The following ITK variants were observed in gnomAD, a reference collection of about 807,000 sequenced individuals.
ITK encodes IL2 inducible T cell kinase.
Under a neutral mutation model 87.6 loss-of-function variants are expected in ITK, and 45 were observed. The observed-to-expected ratio is 0.51, with a 90% CI of 0.40 to 0.66. The LOEUF (loss-of-function observed/expected upper bound fraction) is 0.66, where lower values mean the gene tolerates loss of function less well. Among genes scored for constraint, ITK ranks in the 30% least tolerant of loss-of-function variants. The probability of loss-of-function intolerance (pLI) is 0.00; values close to 1 mark genes in which losing one functional copy is unlikely to be tolerated. For missense variants in ITK, 605 were observed against 766.3 expected, an observed-to-expected ratio of 0.79 and a Z score of 2.48; for synonymous variants, 303 against 273.6, an observed-to-expected ratio of 1.11 and a Z score of -1.06.
chr5:157,209,586 A>G (rs1754147710), intron 2 of ITK, among the ~76,000 whole-genome samples: 1 of 152,174 alleles, frequency 6.6e-6, no homozygotes, highest in Non-Finnish European at 1.5e-5. Flanking sequence ...TTAGTGAAGG[A>G]AGAAATAAAG....
chr5:157,199,696 G>C (rs1367094764), intron 1 of ITK: 2 of 152,178 alleles, frequency 1.3e-5, no homozygotes, highest in Admixed American at 1.3e-4. Flanking sequence ...TGGCCTCTGT[G>C]AACTTCAATT....
At chr5:157,210,014 C>T (rs1286016789) in intron 2 of ITK, among the ~76,000 whole-genome samples, 1 of 152,072 alleles carries the variant, frequency 6.6e-6, no homozygotes, top group African/African-American at 2.4e-5. Context: ...CAACCTCCAC[C>T]TCCCTGGTTC....
At chr5:157,215,610 A>T (rs1262707608) in intron 4 of ITK, among the ~76,000 whole-genome samples, 1 of 152,204 alleles carries the variant, frequency 6.6e-6, no homozygotes, top group Non-Finnish European at 1.5e-5. Flanking sequence ...CACCATAATA[A>T]CAGAACGGCA....
chr5:157,192,822 T>C (rs919503774), intron 1 of ITK, among the ~76,000 whole-genome samples: 1 of 152,186 alleles, frequency 6.6e-6, no homozygotes, highest in African/African-American at 2.4e-5. Context: ...AATTGAATAG[T>C]AGAAATGAAA....
At chr5:157,198,808 C>T (rs1753902048) in intron 1 of ITK, among the ~76,000 whole-genome samples, 1 of 152,188 alleles carries the variant, frequency 6.6e-6, no homozygotes, top group South Asian at 2.1e-4. Flanking sequence ...CACTCTATCA[C>T]CCAGAGTGCA....
intron 8 of ITK, among the ~76,000 whole-genome samples, chr5:157,236,876 T>C (rs1754785727): frequency 6.6e-6 from 1 of 152,130 alleles, no homozygotes; most frequent in Non-Finnish European, 1.5e-5. Context: ...TTAATGTTCT[T>C]TTTCCTTCCG....
chr5:157,237,306 C>G (rs1296522417), intron 8 of ITK, among the ~76,000 whole-genome samples: 1 of 152,150 alleles, frequency 6.6e-6, no homozygotes, highest in Non-Finnish European at 1.5e-5. Flanking sequence ...AAACCAAACA[C>G]CACATGTTCT....
chr5:157,198,209 C>T (rs1753889830), intron 1 of ITK, among the ~76,000 whole-genome samples: 1 of 152,078 alleles, frequency 6.6e-6, no homozygotes, highest in Admixed American at 6.6e-5. Context: ...ATCTGCTCTT[C>T]ATAGTTTCTT....
chr5:157,208,567 A>G (rs1386755046), intron 1 of ITK, among the ~76,000 whole-genome samples: 1 of 152,204 alleles, frequency 6.6e-6, no homozygotes, highest in African/African-American at 2.4e-5. Context: ...ATGTGTGTCC[A>G]TGGATTTCTC....
intron 1 of ITK, chr5:157,199,750 A>G (rs1753929155): frequency 6.6e-6 from 1 of 152,222 alleles, no homozygotes; most frequent in African/African-American, 2.4e-5. Flanking sequence ...TAGGATCGTG[A>G]TGAAACAGGA....
chr5:157,233,092 G>A (rs1324138275), intron 8 of ITK, among the ~76,000 whole-genome samples: 1 of 152,216 alleles, frequency 6.6e-6, no homozygotes, highest in African/African-American at 2.4e-5. Flanking sequence ...GTATGGTGGG[G>A]CAGGTACTGG....
chr5:157,203,299 G>A (rs567401566), intron 1 of ITK, among the ~76,000 whole-genome samples: 100 of 152,244 alleles, frequency 6.6e-4, no homozygotes, highest in Middle Eastern at 3.4e-3. Flanking sequence ...TTCCTGAATG[G>A]CTAAATGTAC....
chr5:157,238,343 A>G (rs1254058208), intron 9 of ITK, 152 bp downstream of exon 9: 8 of 705,224 alleles, frequency 1.1e-5, no homozygotes, highest in Non-Finnish European at 2.1e-5. Flanking sequence ...AACCAAAGCC[A>G]TGGAGATCAA....
At chr5:157,242,628 T>A (rs765800707) in intron 11 of ITK, among the ~76,000 whole-genome samples, 6 of 152,218 alleles carry the variant, frequency 3.9e-5, no homozygotes, top group East Asian at 1.9e-4. Context: ...GGCTAATTTT[T>A]AAAAATTTTT....
chr5:157,213,847 A>G, intron 3 of ITK: 1 of 382,500 alleles, frequency 2.6e-6, no homozygotes. Flanking sequence ...CAACCTTCTC[A>G]TTACCCTTAA....
chr5:157,238,220 G>A (rs1580904164), intron 9 of ITK, 29 bp downstream of exon 9: 1 of 1,519,954 alleles, frequency 6.6e-7, no homozygotes, highest in Non-Finnish European at 9.1e-7. Flanking sequence ...TCAGCAAAGT[G>A]GAGAGAAACA....
intron 1 of ITK, among the ~76,000 whole-genome samples, chr5:157,182,992 T>C (rs1388297386): frequency 6.6e-6 from 1 of 152,182 alleles, no homozygotes; most frequent in African/African-American, 2.4e-5. Flanking sequence ...AATTACTTCA[T>C]TCTGGGGAGC....
At chr5:157,241,761 G>C (rs894422012) in intron 11 of ITK, 41 bp downstream of exon 11, 2 of 1,477,716 alleles carry the variant, frequency 1.4e-6, no homozygotes, top group Admixed American at 1.7e-5. Context: ...TGTCCCTAAA[G>C]GTCTGGGGCA....
rs753217800 is a variant in ITK, at chr5:157,245,939, G to A, written c.1573G>A (p.Ala525Thr). 9.3e-6 allele frequency: 15 copies of A among 1,614,122 alleles called. No homozygotes were observed. The highest frequency in any genetic ancestry group is 1.7e-4 in the Middle Eastern group (1 of 6,060). ...STGTKFPVKW[A>T]SPEVFSFSRY... ...AGGCACCAAATTCCCGGTGAAGTGG[G>A]CATCCCCAGAGGTTTTCTCTTTCAG... is the stretch of plus-strand genomic sequence containing the variant. Residue 525 changes from alanine to threonine, a missense_variant, in exon 15 of 17, where the codon GCA becomes ACA. By Grantham distance (58) the Ala-to-Thr change is moderately conservative (BLOSUM62 0). Transcript: ENST00000422843.
Sources: gnomAD v4.1 joint callset for allele counts (sites outside exome capture counted in the v4.1 genomes callset) on GRCh38, gnomAD v4.1.1 for gene constraint, MANE v1.5 for transcripts, NCBI Gene and HGNC (gene_info 2026-07-23, HGNC 2026-07-21) for gene names.